The following CREBZF variants were observed in gnomAD, a reference collection of about 807,000 sequenced individuals.
The protein encoded by CREBZF is CREB/ATF bZIP transcription factor.
In CREBZF, 8 loss-of-function variants were observed where a neutral mutation model predicts 21.1. The ratio of observed to expected loss-of-function variants is 0.38; its 90% CI spans 0.22 to 0.68. The LOEUF is 0.68. Among genes scored for constraint, CREBZF ranks in the 30% least tolerant of loss-of-function variants. The pLI is 0.51. For missense variants in CREBZF, 518 were observed against 484.3 expected, an observed-to-expected ratio of 1.07 and a Z score of -0.65; for synonymous variants, 270 against 223.3, an observed-to-expected ratio of 1.21 and a Z score of -1.86.
intron 1 of CREBZF, among the ~76,000 whole-genome samples, chr11:85,674,932 T>C (rs2082933077): frequency 6.6e-6 from 1 of 152,244 alleles, no homozygotes; most frequent in Non-Finnish European, 1.5e-5. Flanking sequence ...AACCAACCTC[T>C]GCTAGCTTCT....
chr11:85,678,567 T>C (rs898112980), intron 1 of CREBZF, among the ~76,000 whole-genome samples: 1 of 152,226 alleles, frequency 6.6e-6, no homozygotes, highest in South Asian at 2.1e-4. Context: ...ATATTACAAC[T>C]AACAAACTAA....
intron 1 of CREBZF, among the ~76,000 whole-genome samples, chr11:85,682,075 A>C (rs2153330908): frequency 1.3e-5 from 2 of 152,322 alleles, no homozygotes; most frequent in Middle Eastern, 6.8e-3. Context: ...AAAAATAAAT[A>C]AGAATTTCGC....
chr11:85,677,443 T>C (rs904760651), intron 1 of CREBZF, among the ~76,000 whole-genome samples: 1 of 152,254 alleles, frequency 6.6e-6, no homozygotes, highest in African/African-American at 2.4e-5. Context: ...GTCTCTTAAA[T>C]TTCTTTTAAT....
intron 1 of CREBZF, among the ~76,000 whole-genome samples, chr11:85,678,995 G>T (rs1338488800): frequency 2.0e-5 from 3 of 152,210 alleles, no homozygotes; most frequent in Non-Finnish European, 4.4e-5. Flanking sequence ...CAGACTTCTG[G>T]AAAGGACTAA....
At position 85,658,836 on chromosome 11, in the gene CREBZF, A is replaced by T. The variant is rs1207451692; in HGVS notation, c.*4975T>A. 6.6e-6 allele frequency among the ~76,000 whole-genome samples: 1 copy of T among 152,120 alleles called. No individual in the cohort carries two copies. The highest frequency in any genetic ancestry group is 1.5e-5 in the Non-Finnish European group (1 of 67,950). On this transcript the variant is annotated 3_prime_UTR_variant, in exon 1 of 1. Transcript: ENST00000527447. ...AAATAAAATTCAAATCAGTGTATTA[A>T]CAGAACTACACAAATGTTTACAACA...
chr11:85,670,349 G>GC (rs77052508), intron 1 of CREBZF, among the ~76,000 whole-genome samples: 565 of 1,174 alleles, frequency 0.48, 1 homozygote, highest in Middle Eastern at 0.5. Context: ...CTGTCACCCA[G>GC]GTGGAGTGCA....
intron 1 of CREBZF, among the ~76,000 whole-genome samples, chr11:85,671,748 G>A (rs552245087): frequency 3.9e-5 from 6 of 152,352 alleles, no homozygotes; most frequent in African/African-American, 1.2e-4. Context: ...GGGTTCCCAC[G>A]GTCTTGGGCA....
Position 85,665,041 on chromosome 11 carries a change from CCAAGGCGCGGGGAGGGACGGGAGAACG to C in CREBZF, c.-193_-167del. On this transcript the variant is annotated 5_prime_UTR_variant, in exon 1 of 1. Transcript: ENST00000527447. The stretch of plus-strand genomic sequence containing the variant: ...TCACTTGGCTAGTCGACCCCCCGCG[CCAAGGCGCGGGGAGGGACGGGAGAACG>C]AAGCGGTGAGGCCCTGCGATGACTC... 2.1e-6 allele frequency: 1 copy of C among 466,358 alleles called. No individual in the cohort carries two copies. Among genetic ancestry groups the C allele is most frequent in the Non-Finnish European group, 3.7e-6 (1 of 272,338 alleles). 28.9% of individuals were successfully genotyped at this position (466,358 alleles called of 1,614,324 possible). A position where few individuals can be genotyped will look rare whatever the true frequency, so the allele number is the denominator to read the frequency against.
At chr11:85,665,174 C>G (rs1297244929), upstream of CREBZF, 1 of 380,456 alleles carries the variant, frequency 2.6e-6, no homozygotes, top group Non-Finnish European at 4.9e-6. Flanking sequence ...CGCGCGCCAC[C>G]AGGCCGTAGT....
At position 85,663,405 on chromosome 11, in the gene CREBZF, C is replaced by T. The variant is rs1416818655; in HGVS notation, c.*406G>A. 9.1e-6 allele frequency: 6 copies of T among 662,468 alleles called. No homozygotes were observed. Among genetic ancestry groups the T allele is most frequent in the Non-Finnish European group, 1.6e-5 (6 of 367,114 alleles). 41.0% of individuals were successfully genotyped at this position (662,468 alleles called of 1,614,324 possible). A position where few individuals can be genotyped will look rare whatever the true frequency, so the allele number is the denominator to read the frequency against. On this transcript the variant is annotated 3_prime_UTR_variant, in exon 1 of 1. Coordinates refer to ENST00000527447, the MANE Select transcript of CREBZF (RefSeq NM_001039618.4). ...TGGACAGGGCCCAAATTAGATTTCC[C>T]TCCCACCTTCCAAAACAGAAAAAAA...
rs1045942416 is a variant in CREBZF at position 85,658,701 on chromosome 11, A to C, written c.*5110T>G. Among the ~76,000 whole-genome samples, 2 of 151,944 alleles carry C rather than the reference A, an allele frequency of 1.3e-5. No individual in the cohort carries two copies. Among genetic ancestry groups the C allele is most frequent in the African/African-American group, 2.4e-5 (1 of 41,408 alleles). On this transcript the variant is annotated 3_prime_UTR_variant, in exon 1 of 1. Coordinates refer to ENST00000527447, the MANE Select transcript of CREBZF (RefSeq NM_001039618.4). ...TATTTAAATTAAGACAATATATTTT[A>C]TAAAGCCCAAATTATAGTACACTAA... is the stretch of plus-strand genomic sequence containing the variant.
chr11:85,671,512 G>C lies in CREBZF; in HGVS notation n.148-7911C>G, dbSNP rs189672859. Among the ~76,000 whole-genome samples the C allele has an allele frequency of 2.6e-5, 4 of 152,294 alleles. No individual in the cohort carries two copies. In the East Asian group the frequency reaches 5.8e-4, roughly 22 times the overall value. ...ATTGGAGGCAAGGCAAGTCCCTTCT[G>C]CCTATAAGCCTGAAAAATCAAAAGC... is the stretch of plus-strand genomic sequence containing the variant. On this transcript the variant is annotated intron_variant and non_coding_transcript_variant, in intron 1 of 3. Transcript: ENST00000531515.
upstream of CREBZF, among the ~76,000 whole-genome samples, chr11:85,665,502 T>G (rs1445819899): frequency 6.7e-6 from 1 of 149,160 alleles, no homozygotes; most frequent in Non-Finnish European, 1.5e-5. Flanking sequence ...CTTCAGAAAA[T>G]TAACAATCGT....
Position 85,662,607 on chromosome 11 carries a change from C to T in CREBZF, c.*1204G>A, listed in dbSNP as rs941509329. 2 of 503,352 alleles carry T rather than the reference C, an allele frequency of 4.0e-6. No individual in the cohort carries two copies. The highest frequency in any genetic ancestry group is 3.5e-5 in the South Asian group (1 of 28,330). The allele number at this position is 503,352 out of a possible 1,614,324, so 31.2% of individuals were successfully genotyped here. ...TTAATAGATTCAAGGGAATAAATCC[C>T]ACCTTAGGAAAATAGTACCAATCGT... is the stretch of plus-strand genomic sequence containing the variant. On this transcript the variant is annotated 3_prime_UTR_variant, in exon 1 of 1. Coordinates refer to ENST00000527447, the MANE Select transcript of CREBZF (RefSeq NM_001039618.4).
rs773807205 is a variant in CREBZF at position 85,663,628 on chromosome 11, G to A, written c.*183C>T. The A allele has an allele frequency of 3.2e-6, 5 of 1,576,432 alleles. No homozygotes were observed. The highest frequency in any genetic ancestry group is 4.3e-6 in the Non-Finnish European group (5 of 1,160,984). On this transcript the variant is annotated 3_prime_UTR_variant, in exon 1 of 1. Coordinates refer to ENST00000527447, the MANE Select transcript of CREBZF (RefSeq NM_001039618.4). ...TGTCAGAGAGATTTAATAGTCACAT[G>A]TTATCATTAGGAGTTGGTTACTGTG...
rs1169914461 is a variant in CREBZF at position 85,658,678 on chromosome 11, TTTAAA to T, written c.*5128_*5132del. On this transcript the variant is annotated 3_prime_UTR_variant, in exon 1 of 1. Coordinates refer to ENST00000527447, the MANE Select transcript of CREBZF (RefSeq NM_001039618.4). ...AAAAAAAAAGAGGGCTCACATTCTATTTAAATTAAGACAATATATTTTATAAAGCC... is the reference window on the plus strand; with the variant it reads ...AAAAAAAAAGAGGGCTCACATTCTATTTAAGACAATATATTTTATAAAGCC... Among the ~76,000 whole-genome samples the T allele has an allele frequency of 4.0e-5, 6 of 151,754 alleles. No homozygotes were observed. Among genetic ancestry groups the T allele is most frequent in the African/African-American group, 1.5e-4 (6 of 41,374 alleles).
At chr11:85,665,303 A>C (rs1419617374), upstream of CREBZF, among the ~76,000 whole-genome samples, 1 of 152,204 alleles carries the variant, frequency 6.6e-6, no homozygotes, top group Non-Finnish European at 1.5e-5. Flanking sequence ...AATACCACCC[A>C]ATACCCAGAC....
At chr11:85,675,143 A>G (rs1322542948) in intron 1 of CREBZF, among the ~76,000 whole-genome samples, 2 of 152,342 alleles carry the variant, frequency 1.3e-5, no homozygotes, top group East Asian at 3.9e-4. Flanking sequence ...GTGTTTACAG[A>G]AGTGGCCCTT....
intron 1 of CREBZF, among the ~76,000 whole-genome samples, chr11:85,672,516 C>T (rs919282007): frequency 3.9e-5 from 6 of 152,212 alleles, no homozygotes; most frequent in African/African-American, 1.2e-4. Context: ...GAATTCTTTG[C>T]TGCTTAGAAA....
Sources: allele counts gnomAD v4.1 joint callset (sites outside exome capture counted in the v4.1 genomes callset), GRCh38; gene constraint gnomAD v4.1.1; transcripts MANE v1.5; gene names NCBI Gene and HGNC (gene_info 2026-07-23, HGNC 2026-07-21).